The following PCDH15 variants were observed in gnomAD, a reference collection of about 807,000 sequenced individuals.
The protein encoded by PCDH15 is protocadherin-15.
PCDH15 carries 129 observed loss-of-function variants against 178.5 expected under a neutral mutation model. That is an observed-to-expected ratio of 0.72 (90% CI 0.63 to 0.84). The LOEUF (loss-of-function observed/expected upper bound fraction) is 0.84, where lower values mean the gene tolerates loss of function less well. Ranked by LOEUF, PCDH15 falls within the 40% of genes least tolerant of loss-of-function variation. The pLI is 0.00. For missense variants in PCDH15, 2,230 were observed against 2,099.9 expected (o/e 1.06, Z -1.21); for synonymous variants, 800 against 732.0 (o/e 1.09, Z -1.50).
intron 2 of PCDH15, among the ~76,000 whole-genome samples, chr10:54,616,389 T>C (rs190048793): frequency 2.6e-5 from 4 of 152,044 alleles, no homozygotes; most frequent in Admixed American, 6.6e-5. Flanking sequence ...ATCAGTGAAA[T>C]CATAGAACTG....
chr10:55,167,190 T>A (rs1444663), intron 1 of PCDH15, among the ~76,000 whole-genome samples: 1 of 151,876 alleles, frequency 6.6e-6, no homozygotes, highest in Non-Finnish European at 1.5e-5. Flanking sequence ...CACAGCTCAC[T>A]GCAGCCTCAA....
intron 1 of PCDH15, among the ~76,000 whole-genome samples, chr10:54,665,213 A>C (rs2094551711): frequency 6.6e-6 from 1 of 151,904 alleles, no homozygotes; most frequent in Admixed American, 6.6e-5. Flanking sequence ...TGTGCAATGC[A>C]AGGTTTTCTA....
intron 2 of PCDH15, among the ~76,000 whole-genome samples, chr10:54,553,703 G>A (rs2133223159): frequency 6.6e-6 from 1 of 152,072 alleles, no homozygotes. Flanking sequence ...TTAGGCAAAT[G>A]TTTCTTATTC....
rs940948082 is a variant in PCDH15 at position 54,687,037 on chromosome 10, C to G, written c.-28-22747G>C. On this transcript the variant is annotated intron_variant, in intron 1 of 37. Coordinates refer to ENST00000644397, the MANE Select transcript of PCDH15 (RefSeq NM_001384140.1). Reference sequence around the variant, plus strand: ...AGATATATTTAAAAATGTTCAATGTCCCTAATGATAAGAAGAATGCAAATC... The same window carrying G: ...AGATATATTTAAAAATGTTCAATGTGCCTAATGATAAGAAGAATGCAAATC... 5.3e-5 allele frequency among the ~76,000 whole-genome samples: 8 copies of G among 152,168 alleles called. No homozygotes were observed. In the East Asian group the frequency reaches 1.5e-3, roughly 29 times the overall value.
intron 20 of PCDH15, among the ~76,000 whole-genome samples, chr10:54,006,924 A>G (rs989113820): frequency 2.0e-5 from 3 of 152,070 alleles, no homozygotes; most frequent in African/African-American, 4.8e-5. Flanking sequence ...CCAAGGGTCA[A>G]TCTAGTCTCC....
chr10:54,577,945 C>T (rs1276624810), intron 2 of PCDH15, among the ~76,000 whole-genome samples: 1 of 151,988 alleles, frequency 6.6e-6, no homozygotes, highest in African/African-American at 2.4e-5. Flanking sequence ...CTGATGAGTC[C>T]TTCTTAAGAC....
chr10:54,084,824 G>T (rs1375024820), intron 16 of PCDH15, among the ~76,000 whole-genome samples: 1 of 152,154 alleles, frequency 6.6e-6, no homozygotes. Context: ...GCTTGTGACT[G>T]AACATTTACA....
intron 3 of PCDH15, among the ~76,000 whole-genome samples, chr10:54,391,999 A>G (rs1950595387): frequency 6.6e-6 from 1 of 152,210 alleles, no homozygotes; most frequent in Non-Finnish European, 1.5e-5. Flanking sequence ...AGTGTGAGGC[A>G]TAATAACACT....
intron 1 of PCDH15, among the ~76,000 whole-genome samples, chr10:54,776,894 T>C (rs181002390): frequency 1.8e-3 from 268 of 152,134 alleles, no homozygotes; most frequent in African/African-American, 5.9e-3. Context: ...GAAATAAAAA[T>C]GCAGAGTTAA....
At chr10:55,411,589 T>C (rs768399790) in intron 2 of PCDH15, among the ~76,000 whole-genome samples, 2 of 152,140 alleles carry the variant, frequency 1.3e-5, no homozygotes, top group Non-Finnish European at 2.9e-5. Context: ...GTCATTCATA[T>C]AGTATTTTCT....
chr10:53,907,106 A>T (rs953220922), intron 25 of PCDH15: 13 of 152,240 alleles, frequency 8.5e-5, no homozygotes, highest in African/African-American at 3.1e-4. Context: ...TGTGTATACA[A>T]TGTACATGAC....
At chr10:54,057,219 C>A (rs1214133500) in intron 18 of PCDH15, among the ~76,000 whole-genome samples, 3 of 152,194 alleles carry the variant, frequency 2.0e-5, no homozygotes, top group African/African-American at 4.8e-5. Flanking sequence ...TTCACAGCTC[C>A]ACTAGGCAGT....
At chr10:55,237,723 T>G (rs1391704674) in intron 1 of PCDH15, among the ~76,000 whole-genome samples, 1 of 152,120 alleles carries the variant, frequency 6.6e-6, no homozygotes, top group Non-Finnish European at 1.5e-5. Flanking sequence ...ATGCCTTATT[T>G]TTTTCCTCTG....
intron 1 of PCDH15, among the ~76,000 whole-genome samples, chr10:54,673,542 G>A (rs1048790332): frequency 1.3e-5 from 2 of 151,992 alleles, no homozygotes; most frequent in African/African-American, 2.4e-5. Context: ...GGGTTCAAGC[G>A]ATTTTCCTGC....
At chr10:54,146,778 T>C (rs927624728) in intron 14 of PCDH15, among the ~76,000 whole-genome samples, 1 of 150,708 alleles carries the variant, frequency 6.6e-6, no homozygotes, top group African/African-American at 2.4e-5. Flanking sequence ...TAGAAAACTG[T>C]CTAAATTCTG....
chr10:55,283,918 G>A (rs1202919629), intron 1 of PCDH15, among the ~76,000 whole-genome samples: 1 of 152,046 alleles, frequency 6.6e-6, no homozygotes, highest in Non-Finnish European at 1.5e-5. Flanking sequence ...ATTTTTGAAT[G>A]TCTATTACTA....
chr10:54,925,799 C>G (rs1837607925), intron 2 of PCDH15, among the ~76,000 whole-genome samples: 1 of 152,220 alleles, frequency 6.6e-6, no homozygotes, highest in African/African-American at 2.4e-5. Flanking sequence ...ATTTTGTATC[C>G]TGAGTTTTTG....
At chr10:54,600,303 A>C in intron 2 of PCDH15, 3 of 542,932 alleles carry the variant, frequency 5.5e-6, no homozygotes, top group South Asian at 4.8e-5. Flanking sequence ...GGAGTGATAA[A>C]GATTCCAAGG....
intron 1 of PCDH15, among the ~76,000 whole-genome samples, chr10:54,787,263 A>T (rs926692989): frequency 8.1e-6 from 1 of 123,948 alleles, no homozygotes; most frequent in Admixed American, 9.2e-5. Flanking sequence ...CTACATAAAG[A>T]TAAAAAGGAA....
Sources: gnomAD v4.1 joint callset for allele counts (sites outside exome capture counted in the v4.1 genomes callset) on GRCh38, gnomAD v4.1.1 for gene constraint, MANE v1.5 for transcripts, NCBI Gene and HGNC (gene_info 2026-07-23, HGNC 2026-07-21) for gene names.